The following MOCS1 variants were observed in gnomAD, a reference collection of about 807,000 sequenced individuals.
MOCS1 encodes molybdenum cofactor synthesis 1.
MOCS1 carries 39 observed loss-of-function variants against 57.6 expected under a neutral mutation model. That is an observed-to-expected ratio of 0.68 (90% CI 0.52 to 0.88). MOCS1 has a LOEUF of 0.88. Ranked by LOEUF, MOCS1 falls within the 40% of genes least tolerant of loss-of-function variation. The pLI, the probability that MOCS1 is intolerant of heterozygous loss-of-function variation, is 0.00. For synonymous variants in MOCS1, 334 were observed against 335.7 expected, an observed-to-expected ratio of 1.00 and a Z score of 0.05; for missense variants, 795 against 831.1, an observed-to-expected ratio of 0.96 and a Z score of 0.53.
intron 3 of MOCS1, among the ~76,000 whole-genome samples, chr6:39,917,296 GCCC>G (rs1205628902): frequency 1.3e-5 from 2 of 152,126 alleles, no homozygotes; most frequent in Non-Finnish European, 2.9e-5. Flanking sequence ...AACAGGAAAA[GCCC>G]CTTATAAAAA....
rs1157378083 is a variant in MOCS1, at chr6:39,905,089, C to CA, written c.*1267dup. On this transcript the variant is annotated 3_prime_UTR_variant, in exon 11 of 11. Coordinates refer to ENST00000340692, the MANE Select transcript of MOCS1 (RefSeq NM_001358530.2). ...GAGCTGGTTGTTTAATATTTGCCAG[C>CA]ACACCTTGGCATAGGGCAGAGGGGA... The CA allele has an allele frequency of 6.6e-6, 3 of 454,252 alleles. No individual in the cohort carries two copies. The highest frequency in any genetic ancestry group is 1.3e-5 in the Non-Finnish European group (3 of 226,868). The allele number at this position is 454,252 out of a possible 1,614,324, so 28.1% of individuals were successfully genotyped here.
At position 39,906,818 on chromosome 6, in the gene MOCS1, G is replaced by A; in HGVS notation, c.1450C>T (p.His484Tyr). 6.2e-7 allele frequency: 1 copy of A among 1,614,196 alleles called. No homozygotes were observed. Among genetic ancestry groups the A allele is most frequent in the Admixed American group, 1.7e-5 (1 of 60,024 alleles). The change falls in exon 11 of 11, where the codon CAT becomes TAT. Residue 484 changes from histidine to tyrosine, a missense_variant. Coordinates refer to ENST00000340692, the MANE Select transcript of MOCS1 (RefSeq NM_001358530.2). ...GCTGCCCGTCCTTCCGAGTCCACATGAGTTAGTTGTTCTGAGGTTAGCTGG... is the reference window on the plus strand; with the variant it reads ...GCTGCCCGTCCTTCCGAGTCCACATAAGTTAGTTGTTCTGAGGTTAGCTGG... Reference protein sequence around the residue: ...GPQLTSEQLTHVDSEGRAAMV... With the variant: ...GPQLTSEQLTYVDSEGRAAMV...
In MOCS1 at chr6:39,904,761, A is replaced by T. The variant is rs776434806; in HGVS notation, c.*1596T>A. 4.0e-5 allele frequency: 18 copies of T among 454,030 alleles called. No homozygotes were observed. The highest frequency in any genetic ancestry group is 2.6e-4 in the South Asian group (17 of 64,478). 28.1% of individuals were successfully genotyped at this position (454,030 alleles called of 1,614,324 possible). A position where few individuals can be genotyped will look rare whatever the true frequency, so the allele number is the denominator to read the frequency against. On this transcript the variant is annotated 3_prime_UTR_variant, in exon 11 of 11. Transcript: ENST00000340692. ...CTGTTCTCACCAGCTGCCTCAGATG[A>T]CAAATGAGGCTAATGGACATAATCT...
At chr6:39,912,833 T>C in intron 7 of MOCS1, 59 bp downstream of exon 7, 1 of 1,291,030 alleles carries the variant, frequency 7.7e-7, no homozygotes, top group Non-Finnish European at 1.1e-6. Flanking sequence ...TAGCTCTCCA[T>C]CCTAGGGTGG....
rs530488255 is a variant in MOCS1, at chr6:39,931,443, C to A, written c.123+2852G>T. The stretch of plus-strand genomic sequence containing the variant: ...TATTGGGATGATGTATACTAAGGGT[C>A]TCTTAAAATTAATCTCTTTTAAATG... On this transcript the variant is annotated intron_variant, in intron 1 of 10. Transcript: ENST00000340692. Among the ~76,000 whole-genome samples, 5 of 152,250 alleles carry A rather than the reference C, an allele frequency of 3.3e-5. No homozygotes were observed. The East Asian group carries it at 9.7e-4, about 29-fold the overall frequency.
rs1425986926 is a variant in MOCS1 at position 39,905,389 on chromosome 6, C to T, written c.*968G>A. On this transcript the variant is annotated 3_prime_UTR_variant, in exon 11 of 11. Coordinates refer to ENST00000340692, the MANE Select transcript of MOCS1 (RefSeq NM_001358530.2). The stretch of plus-strand genomic sequence containing the variant: ...CAGAGAGTACACCCTTAGGCCTTTC[C>T]AGGTCCCTCCTCTTCTTCCCTCAGG... 2.1e-6 allele frequency: 1 copy of T among 466,452 alleles called. No homozygotes were observed. The highest frequency in any genetic ancestry group is 4.4e-6 in the Non-Finnish European group (1 of 227,032). 28.9% of individuals were successfully genotyped at this position (466,452 alleles called of 1,614,324 possible).
intron 8 of MOCS1, among the ~76,000 whole-genome samples, chr6:39,911,815 G>A (rs966736237): frequency 2.6e-5 from 4 of 152,346 alleles, no homozygotes; most frequent in African/African-American, 7.2e-5. Flanking sequence ...TCTTGCCTGT[G>A]AGTCTGCATA....
chr6:39,934,213 C>T (rs1768790160), intron 1 of MOCS1, 82 bp downstream of exon 1: 11 of 1,447,030 alleles, frequency 7.6e-6, no homozygotes, highest in African/African-American at 1.4e-5. Context: ...GCAGATAGGC[C>T]GGGAGCTACT....
chr6:39,909,888 T>A lies in MOCS1; in HGVS notation c.1049A>T (p.Glu350Val). 6.2e-7 allele frequency: 1 copy of A among 1,613,920 alleles called. No homozygotes were observed. The highest frequency in any genetic ancestry group is 8.5e-7 in the Non-Finnish European group (1 of 1,180,020). The change falls in exon 9 of 11, where the codon GAG (glutamate) becomes GTG (valine). Residue 350 changes from glutamate to valine, a missense_variant. This residue lies in a region of MOCS1 where 374 missense variants were observed against 422.6 expected (regional missense o/e 0.89). Transcript: ENST00000340692. ...AGCAGCCCCAATGATTCTCAGCAGCTCCTGCTCAGAGGCCCCAGCTCGCAG... is the reference window on the plus strand; with the variant it reads ...AGCAGCCCCAATGATTCTCAGCAGCACCTGCTCAGAGGCCCCAGCTCGCAG... Reference protein sequence around the residue: ...DHLRAGASEQELLRIIGAAVG... With the variant: ...DHLRAGASEQVLLRIIGAAVG...
chr6:39,910,530 G>A (rs1767260447), intron 8 of MOCS1, among the ~76,000 whole-genome samples: 2 of 152,194 alleles, frequency 1.3e-5, no homozygotes, highest in African/African-American at 4.8e-5. Flanking sequence ...TTCTGTAAGA[G>A]GGATGGATGA....
At chr6:39,923,200 T>G (rs1477910247) in intron 3 of MOCS1, among the ~76,000 whole-genome samples, 4 of 152,196 alleles carry the variant, frequency 2.6e-5, no homozygotes, top group Admixed American at 2.6e-4. Context: ...AGCATCCATG[T>G]GGCGATCACC....
Position 39,912,996 on chromosome 6 carries a change from A to G in MOCS1, c.766T>C (p.Trp256Arg), listed in dbSNP as rs1384304146. 5.6e-6 allele frequency: 9 copies of G among 1,613,728 alleles called. No individual in the cohort carries two copies. The highest frequency in any genetic ancestry group is 7.6e-6 in the Non-Finnish European group (9 of 1,179,874). ...TAGCTGACCATCTTCTTGAAGTTCCACTTGTTGCCTGTATTCGGGATGGGG... is the reference window on the plus strand; with the variant it reads ...TAGCTGACCATCTTCTTGAAGTTCCGCTTGTTGCCTGTATTCGGGATGGGG... The part of the protein sequence containing the change: ...IEYMPFDGNK[W>R]NFKKMVSYKE... Residue 256 changes from tryptophan to arginine, a missense_variant, in exon 7 of 11, where the codon TGG becomes CGG. Physicochemically the swap from Trp to Arg is moderately radical, Grantham distance 101 (BLOSUM62 -3). Coordinates refer to ENST00000340692, the MANE Select transcript of MOCS1 (RefSeq NM_001358530.2).
At chr6:39,923,812 C>G (rs79728516) in intron 3 of MOCS1, among the ~76,000 whole-genome samples, 4,535 of 152,348 alleles carry the variant, frequency 0.03, 113 homozygotes, top group Admixed American at 0.075. Flanking sequence ...CCTTGGGACT[C>G]TCACAGCACC....
At chr6:39,908,471 C>CACGTGTTTGA (rs1767092438) in intron 10 of MOCS1, among the ~76,000 whole-genome samples, 1 of 152,174 alleles carries the variant, frequency 6.6e-6, no homozygotes, top group Non-Finnish European at 1.5e-5. Context: ...TTGAAGCATC[C>CACGTGTTTGA]TACACACACG....
chr6:39,931,372 A>G (rs1267932688), intron 1 of MOCS1, among the ~76,000 whole-genome samples: 1 of 143,400 alleles, frequency 7.0e-6, no homozygotes, highest in Non-Finnish European at 1.5e-5. Context: ...CGAGAGGAAA[A>G]AAAGCACATT....
intron 3 of MOCS1, among the ~76,000 whole-genome samples, chr6:39,920,285 G>A (rs1250850082): frequency 6.6e-6 from 1 of 152,188 alleles, no homozygotes; most frequent in Non-Finnish European, 1.5e-5. Flanking sequence ...CTGAGTGTTG[G>A]GAGGTCATTT....
chr6:39,907,079 G>C lies in MOCS1; in HGVS notation c.1189C>G (p.Pro397Ala), dbSNP rs553333312. Residue 397 changes from proline to alanine, a missense_variant, in exon 11 of 11, where the codon CCA (proline) becomes GCA (alanine). Physicochemically the swap from Pro to Ala is conservative, Grantham distance 27. Around this residue, in one of 3 missense-constraint regions of MOCS1, gnomAD observed 374 missense variants for 422.6 expected, o/e 0.89. Transcript: ENST00000340692. ...LMFPNSPPAN[P>A]SIFSWDPLHV... ...AGCGGGTCCCAGGAGAAAATGCTTG[G>C]ATTGGCTGGTGGGGAATTGGGGAAC... is the stretch of plus-strand genomic sequence containing the variant. 2 of 1,613,374 alleles carry C rather than the reference G, an allele frequency of 1.2e-6. No homozygotes were observed. Among genetic ancestry groups the C allele is most frequent in the Non-Finnish European group, 1.7e-6 (2 of 1,179,504 alleles).
chr6:39,910,047 C>T lies in MOCS1; in HGVS notation c.982-92G>A, dbSNP rs76683125. 9.4e-3 allele frequency: 14,756 copies of T among 1,577,796 alleles called. 1,475 individuals carry two copies. The East Asian group carries it at 0.25, about 27-fold the overall frequency. On this transcript the variant is annotated intron_variant, in intron 8 of 10. Coordinates refer to ENST00000340692, the MANE Select transcript of MOCS1 (RefSeq NM_001358530.2). ...CTAACTCCTTCCCTGGTTCTCCCTCCGGGAGGAGCACCAGGGCCCAGGCCT... is the reference window on the plus strand; with the variant it reads ...CTAACTCCTTCCCTGGTTCTCCCTCTGGGAGGAGCACCAGGGCCCAGGCCT...
intron 3 of MOCS1, among the ~76,000 whole-genome samples, chr6:39,919,349 G>A (rs1229384358): frequency 6.6e-6 from 1 of 152,094 alleles, no homozygotes; most frequent in Non-Finnish European, 1.5e-5. Flanking sequence ...GCCAGGTGTG[G>A]TGGTGGCATA....
Sources: gnomAD v4.1 joint callset for allele counts (sites outside exome capture counted in the v4.1 genomes callset) on GRCh38, gnomAD v4.1.1 for gene constraint, gnomAD v4.1.1 regional missense constraint, MANE v1.5 for transcripts, NCBI Gene and HGNC (gene_info 2026-07-23, HGNC 2026-07-21) for gene names.